PIGN: variants seen among roughly 807,000 people sequenced by gnomAD.
The protein encoded by PIGN is GPI ethanolamine phosphate transferase 1.
PIGN carries 117 observed loss-of-function variants against 125.4 expected under a neutral mutation model. That is an observed-to-expected ratio of 0.93 (90% confidence interval 0.80 to 1.09). The LOEUF (loss-of-function observed/expected upper bound fraction) is 1.09. Among genes scored for constraint, PIGN ranks in the 50% least tolerant of loss-of-function variants. The probability of loss-of-function intolerance (pLI) is 0.00; values close to 1 mark genes in which losing one functional copy is unlikely to be tolerated. For synonymous variants in PIGN, 392 were observed against 377.8 expected (o/e 1.04, Z -0.44); for missense variants, 1,075 against 1,094.9 (o/e 0.98, Z 0.26).
At chr18:62,158,315 G>A (rs8087379) in intron 4 of PIGN, among the ~76,000 whole-genome samples, 2 of 152,118 alleles carry the variant, frequency 1.3e-5, no homozygotes, top group Middle Eastern at 3.4e-3. Flanking sequence ...GAGGGTGAAC[G>A]CAATTATGAA....
At chr18:62,065,530 A>C (rs2032460632) in intron 30 of PIGN, among the ~76,000 whole-genome samples, 1 of 152,078 alleles carries the variant, frequency 6.6e-6, no homozygotes, top group Admixed American at 6.5e-5. Context: ...CGAGGTCAGA[A>C]TATCGAGACC....
chr18:62,051,606 G>C (rs1202720381), intron 30 of PIGN, among the ~76,000 whole-genome samples: 3 of 151,770 alleles, frequency 2.0e-5, no homozygotes, highest in Non-Finnish European at 4.4e-5. Context: ...TTCTTTATTA[G>C]TCTTGCTAGT....
rs866755281 is a variant in PIGN, at chr18:62,143,343, C to A, written c.926G>T (p.Trp309Leu). ...QQFDDAFLKE[W>L]RLENWKRLDV... ...TAGCCTCTTCCAATTCTCCAATCTC[C>A]ACTCTGAAAGATACAATCAGACACA... Residue 309 changes from tryptophan (W) to leucine (L), a missense_variant, in exon 11 of 31, where the codon TGG becomes TTG. Coordinates refer to ENST00000640252, the MANE Select transcript of PIGN (RefSeq NM_176787.5). 1 of 1,521,596 alleles carries A rather than the reference C, an allele frequency of 6.6e-7. No individual in the cohort carries two copies. 94.3% of individuals were successfully genotyped at this position (1,521,596 alleles called of 1,614,324 possible). A position where few individuals can be genotyped will look rare whatever the true frequency, so the allele number is the denominator to read the frequency against.
intron 1 of PIGN, among the ~76,000 whole-genome samples, chr18:62,174,074 C>T (rs2037433039): frequency 6.6e-6 from 1 of 152,068 alleles, no homozygotes; most frequent in Admixed American, 6.6e-5. Flanking sequence ...ATTAGCTGGG[C>T]ATGGTGGCGG....
intron 2 of PIGN, among the ~76,000 whole-genome samples, chr18:62,162,985 T>C (rs922152394): frequency 2.0e-5 from 3 of 152,158 alleles, no homozygotes; most frequent in African/African-American, 7.2e-5. Context: ...TTGTGAAAAA[T>C]TCTTCAAATT....
intron 14 of PIGN, among the ~76,000 whole-genome samples, chr18:62,118,320 C>T (rs79621158): frequency 0.067 from 10,185 of 152,068 alleles, 639 homozygotes; most frequent in African/African-American, 0.16. Flanking sequence ...TTAACCATAA[C>T]TTCTGGTTAT....
At chr18:62,032,510 T>C (rs1181323133) in intron 23 of PIGN, among the ~76,000 whole-genome samples, 1 of 152,236 alleles carries the variant, frequency 6.6e-6, no homozygotes, top group Non-Finnish European at 1.5e-5. Context: ...AAGTATACTG[T>C]TCATACTTGA....
chr18:62,080,385 C>A (rs180741529), intron 28 of PIGN, among the ~76,000 whole-genome samples: 1 of 152,298 alleles, frequency 6.6e-6, no homozygotes, highest in Admixed American at 6.5e-5. Context: ...GTGAAATGAA[C>A]TGGCCACAAT....
At position 62,021,381 on chromosome 18, in the gene PIGN, A is replaced by G. The variant is rs371110586; in HGVS notation, c.2143-3640T>C. Among the ~76,000 whole-genome samples the G allele has an allele frequency of 2.8e-3, 429 of 152,370 alleles. 2 individuals carry two copies. Among genetic ancestry groups the G allele is most frequent in the African/African-American group, 9.9e-3 (413 of 41,592 alleles). On this transcript the variant is annotated intron_variant, in intron 23 of 24. Coordinates refer to the PIGN transcript ENST00000639600. The stretch of plus-strand genomic sequence containing the variant: ...TATCTTGTCACAGTTTTATAGATAC[A>G]GCCAGAAGACACAGGCTTTCTGGGT...
At chr18:62,176,100 A>C (rs2037516438) in intron 1 of PIGN, among the ~76,000 whole-genome samples, 1 of 152,210 alleles carries the variant, frequency 6.6e-6, no homozygotes, top group African/African-American at 2.4e-5. Context: ...AGGCTATAAA[A>C]GAGTATCTAA....
At chr18:62,086,150 T>C (rs1405792650) in intron 25 of PIGN, among the ~76,000 whole-genome samples, 1 of 151,966 alleles carries the variant, frequency 6.6e-6, no homozygotes, top group African/African-American at 2.4e-5. Context: ...ACTCAAATGG[T>C]GACTAAGATA....
At chr18:62,103,561 G>A (rs2146363607) in intron 20 of PIGN, 1 of 152,252 alleles carries the variant, frequency 6.6e-6, no homozygotes, top group Middle Eastern at 3.4e-3. Context: ...CCAAGGAAAT[G>A]GTGCCCTATT....
At chr18:62,130,329 T>C (rs1315625705) in intron 14 of PIGN, among the ~76,000 whole-genome samples, 3 of 152,194 alleles carry the variant, frequency 2.0e-5, no homozygotes, top group Admixed American at 1.3e-4. Flanking sequence ...GGAAAAGTGA[T>C]GGTTTTACTA....
chr18:62,125,155 CAT>C (rs1274337264), intron 14 of PIGN, among the ~76,000 whole-genome samples: 1 of 53,900 alleles, frequency 1.9e-5, no homozygotes, highest in Non-Finnish European at 4.8e-5. Flanking sequence ...TGTGTATATA[CAT>C]GTTTGTACAT....
intron 30 of PIGN, among the ~76,000 whole-genome samples, chr18:62,071,862 C>CCA (rs2032870090): frequency 1.3e-5 from 1 of 77,340 alleles, no homozygotes; most frequent in African/African-American, 5.3e-5. Flanking sequence ...TACTCCTTTT[C>CCA]CATATATATA....
At chr18:62,077,557 A>G (rs1261700392) in intron 28 of PIGN, among the ~76,000 whole-genome samples, 1 of 152,192 alleles carries the variant, frequency 6.6e-6, no homozygotes, top group Non-Finnish European at 1.5e-5. Flanking sequence ...TTATTGTCTT[A>G]GCCTCAGTTT....
intron 30 of PIGN, chr18:62,070,414 T>C (rs2145655377): frequency 2.5e-6 from 1 of 398,576 alleles, no homozygotes; most frequent in East Asian, 3.6e-5. Context: ...ATGTAAGAGA[T>C]TCAAATCCAA....
intron 1 of PIGN, among the ~76,000 whole-genome samples, chr18:62,184,953 G>A (rs1445605513): frequency 6.6e-6 from 1 of 152,144 alleles, no homozygotes; most frequent in Non-Finnish European, 1.5e-5. Context: ...ATAGACGAAT[G>A]CAAGTGAGGC....
chr18:62,161,479 A>C, intron 3 of PIGN, 94 bp from the exon 4 acceptor site: 1 of 588,946 alleles, frequency 1.7e-6, no homozygotes, highest in South Asian at 2.5e-5. Context: ...TGAAACATAT[A>C]TTTTTAATTA....
Sources: allele counts gnomAD v4.1 joint callset (sites outside exome capture counted in the v4.1 genomes callset), GRCh38; gene constraint gnomAD v4.1.1; transcripts MANE v1.5; gene names NCBI Gene and HGNC (gene_info 2026-07-23, HGNC 2026-07-21).